The following TMEM236 variants were observed in gnomAD, a reference collection of about 807,000 sequenced individuals.
TMEM236 encodes family with sequence similarity 23, member A.
Under a neutral mutation model 14.7 loss-of-function variants are expected in TMEM236, and 11 were observed. That is an observed-to-expected ratio of 0.75 (90% CI 0.47 to 1.24). The LOEUF is 1.24. TMEM236 is among the 50% of genes most tolerant of loss of function. The probability of loss-of-function intolerance (pLI) is 0.00; values close to 1 mark genes in which losing one functional copy is unlikely to be tolerated. For missense variants in TMEM236, 464 were observed against 427.3 expected (o/e 1.09, Z -0.76); for synonymous variants, 182 against 168.6 (o/e 1.08, Z -0.62).
In TMEM236 at chr10:17,754,017, C is replaced by T. The variant is rs943457917; in HGVS notation, c.257+1465C>T. ...TATGGTATCTTCCTTAATTTTTCTA[C>T]AGTCATTTATACTGAGTGATAATAA... On this transcript the variant is annotated intron_variant, in intron 1 of 3. Transcript: ENST00000377495. Among the ~76,000 whole-genome samples, 1,036 of 152,290 alleles carry T rather than the reference C, an allele frequency of 6.8e-3. 8 individuals are homozygous for T. The highest frequency in any genetic ancestry group is 0.024 in the African/African-American group (986 of 41,540).
At position 17,796,194 on chromosome 10, in the gene TMEM236, T is replaced by C. The variant is rs1434386577; in HGVS notation, c.746T>C (p.Ile249Thr). 7.7e-5 allele frequency: 124 copies of C among 1,613,860 alleles called. 1 individual carries two copies. In the Middle Eastern group the frequency reaches 1.2e-3, roughly 15 times the overall value. ...AGCTTTCTCCTGTGGTCTGACACGA[T>C]AGAAATGGTGCGTGTGGCTGGTCAC... is the stretch of plus-strand genomic sequence containing the variant. ...LWSFLLWSDT[I>T]EMVRVAGHPN... The change falls in exon 4 of 4, where the codon ATA becomes ACA. Residue 249 changes from isoleucine (I) to threonine (T), a missense_variant. Transcript: ENST00000377495.
intron 3 of TMEM236, among the ~76,000 whole-genome samples, chr10:17,781,498 G>A (rs1176820585): frequency 2.0e-5 from 3 of 152,086 alleles, no homozygotes; most frequent in Non-Finnish European, 4.4e-5. Flanking sequence ...AGCACTTTGT[G>A]GGGCTGAGGT....
chr10:17,770,322 C>G (rs1204454425), intron 1 of TMEM236, among the ~76,000 whole-genome samples: 1 of 152,044 alleles, frequency 6.6e-6, no homozygotes, highest in African/African-American at 2.4e-5. Flanking sequence ...GAGCAGGTAT[C>G]TTTTCTTGTC....
chr10:17,794,715 T>C (rs912047936), intron 3 of TMEM236, among the ~76,000 whole-genome samples: 2 of 152,176 alleles, frequency 1.3e-5, no homozygotes, highest in Non-Finnish European at 2.9e-5. Flanking sequence ...AGCATGTCAC[T>C]CTTCACTATG....
At chr10:17,786,902 T>C (rs1837845727) in intron 3 of TMEM236, among the ~76,000 whole-genome samples, 1 of 152,188 alleles carries the variant, frequency 6.6e-6, no homozygotes, top group Admixed American at 6.5e-5. Flanking sequence ...CTCGTGATAG[T>C]GAATAAGCCT....
chr10:17,757,774 T>C (rs34203575), intron 1 of TMEM236, among the ~76,000 whole-genome samples: 31,931 of 151,752 alleles, frequency 0.21, 3,982 homozygotes, highest in East Asian at 0.44. Flanking sequence ...ATTTGTTTTG[T>C]TTTGTGTTTT....
At chr10:17,777,863 C>T (rs1235595486) in intron 3 of TMEM236, among the ~76,000 whole-genome samples, 3 of 152,084 alleles carry the variant, frequency 2.0e-5, no homozygotes, top group African/African-American at 7.2e-5. Context: ...CTCAGCCTCC[C>T]GAGTAGCTGG....
In TMEM236 at chr10:17,752,283, G is replaced by A. The variant is rs998020708; in HGVS notation, c.-13G>A. On this transcript the variant is annotated 5_prime_UTR_variant, in exon 1 of 4. Coordinates refer to ENST00000377495, the MANE Select transcript of TMEM236 (RefSeq NM_001098844.3). Reference sequence around the variant, plus strand: ...GGGAGTCCCAGGTTCTTGGCAGCTTGCTTTTCCTCAGGATGGCTTCTGGAA... The same window carrying A: ...GGGAGTCCCAGGTTCTTGGCAGCTTACTTTTCCTCAGGATGGCTTCTGGAA... 3.3e-5 allele frequency: 53 copies of A among 1,613,936 alleles called. No homozygotes were observed. In the African/African-American group the frequency reaches 5.9e-4, roughly 18 times the overall value.
chr10:17,791,680 C>T (rs1837927838), intron 3 of TMEM236, among the ~76,000 whole-genome samples: 1 of 152,190 alleles, frequency 6.6e-6, no homozygotes, highest in African/African-American at 2.4e-5. Context: ...TTTCTACTAC[C>T]TGCAAGTTCT....
At chr10:17,768,781 C>T (rs1331450470) in intron 1 of TMEM236, among the ~76,000 whole-genome samples, 1 of 145,780 alleles carries the variant, frequency 6.9e-6, no homozygotes, top group Non-Finnish European at 1.5e-5. Context: ...GTTTCCTATA[C>T]TATATATGAG....
chr10:17,793,181 C>T (rs1003491027), intron 3 of TMEM236, among the ~76,000 whole-genome samples: 32 of 152,210 alleles, frequency 2.1e-4, no homozygotes, highest in Admixed American at 1.3e-3. Context: ...TAAAACCAAA[C>T]TCCAGCTAAG....
At chr10:17,762,207 C>T (rs1316598904) in intron 1 of TMEM236, among the ~76,000 whole-genome samples, 9 of 152,244 alleles carry the variant, frequency 5.9e-5, no homozygotes, top group African/African-American at 1.9e-4. Flanking sequence ...CATCATTCTG[C>T]CATCTCAACC....
At chr10:17,771,616 A>G (rs1194331924) in intron 2 of TMEM236, among the ~76,000 whole-genome samples, 1 of 152,220 alleles carries the variant, frequency 6.6e-6, no homozygotes, top group Non-Finnish European at 1.5e-5. Flanking sequence ...TGTGTGAGAC[A>G]GTAATGATAT....
intron 3 of TMEM236, among the ~76,000 whole-genome samples, chr10:17,777,040 C>T (rs1837668683): frequency 6.6e-6 from 1 of 152,086 alleles, no homozygotes; most frequent in Admixed American, 6.6e-5. Flanking sequence ...AGGTTGTTTT[C>T]TGATGGGGTG....
In TMEM236 at chr10:17,752,394, C is replaced by T. The variant is rs1291228306; in HGVS notation, c.99C>T (p.Thr33=). The T allele has an allele frequency of 2.0e-5, 33 of 1,613,772 alleles. No individual in the cohort carries two copies. The East Asian group carries it at 4.9e-4, about 24-fold the overall frequency. ...PTLVITEQFA[T]AYQGTRARSD... ...TCGTGATCACAGAACAGTTTGCCAC[C>T]GCCTACCAAGGAACAAGGGCTAGAT... Residue 33 remains threonine (T), a synonymous_variant, in exon 1 of 4, where the codon ACC becomes ACT. Transcript: ENST00000377495.
chr10:17,764,198 C>T (rs1186328291), intron 1 of TMEM236, among the ~76,000 whole-genome samples: 1 of 152,198 alleles, frequency 6.6e-6, no homozygotes, highest in Admixed American at 6.5e-5. Context: ...CACCATGCTT[C>T]CTCTATGAGA....
In TMEM236 at chr10:17,796,261, A is replaced by G; in HGVS notation, c.813A>G (p.Ile271Met). 1 of 1,613,868 alleles carries G rather than the reference A, an allele frequency of 6.2e-7. No homozygotes were observed. Among genetic ancestry groups the G allele is most frequent in the Non-Finnish European group, 8.5e-7 (1 of 1,179,844 alleles). The change falls in exon 4 of 4, where the codon ATA becomes ATG. Residue 271 changes from isoleucine (I) to methionine (M), a missense_variant. Physicochemically the swap from Ile to Met is conservative, Grantham distance 10. Coordinates refer to ENST00000377495, the MANE Select transcript of TMEM236 (RefSeq NM_001098844.3). ...CAAGCTGGCTATACCCAGTCTACAT[A>G]TTCAGTTTTATTTCTCTCCTTCGAA... ...YKSSWLYPVYIFSFISLLRIT... is the reference protein window; with the variant it reads ...YKSSWLYPVYMFSFISLLRIT...
intron 1 of TMEM236, among the ~76,000 whole-genome samples, chr10:17,754,431 C>A (rs1837253507): frequency 6.6e-6 from 1 of 152,028 alleles, no homozygotes; most frequent in Non-Finnish European, 1.5e-5. Flanking sequence ...CTCAGGTGAT[C>A]CTCCTACCTC....
chr10:17,763,411 C>G (rs1837407973), intron 1 of TMEM236, among the ~76,000 whole-genome samples: 1 of 152,038 alleles, frequency 6.6e-6, no homozygotes, highest in African/African-American at 2.4e-5. Flanking sequence ...AGCAACATAG[C>G]AAGACCCTGT....
Sources: gnomAD v4.1 joint callset for allele counts (sites outside exome capture counted in the v4.1 genomes callset) on GRCh38, gnomAD v4.1.1 for gene constraint, MANE v1.5 for transcripts, NCBI Gene and HGNC (gene_info 2026-07-23, HGNC 2026-07-21) for gene names.